The following DNAH2 variants were observed in gnomAD, a reference collection of about 807,000 sequenced individuals.
The protein encoded by DNAH2 is dynein axonemal heavy chain 2.
A neutral mutation model predicts 523.5 loss-of-function variants in DNAH2; 323 were observed. That is an observed-to-expected ratio of 0.62 (90% CI 0.56 to 0.68). DNAH2 has a LOEUF of 0.68. DNAH2 is among the 30% of genes least tolerant of loss of function. The pLI, the probability that DNAH2 is intolerant of heterozygous loss-of-function variation, is 0.00. For synonymous variants in DNAH2, 2,093 were observed against 2,177.4 expected, an observed-to-expected ratio of 0.96 and a Z score of 1.08; for missense variants, 4,907 against 5,701.5, an observed-to-expected ratio of 0.86 and a Z score of 4.49.
In DNAH2 at chr17:7,740,484, T is replaced by C. The variant is rs137947867; in HGVS notation, c.1441T>C (p.Leu481=). ...TQNLITSAFE[L]VRDVPHGVLL... Reference sequence around the variant, plus strand: ...GAACCTGATCACCTCAGCCTTCGAGTTGGTGCGGGACGTGCCGCACGGCGT... The same window carrying C: ...GAACCTGATCACCTCAGCCTTCGAGCTGGTGCGGGACGTGCCGCACGGCGT... Residue 481 remains leucine (L), a synonymous_variant, in exon 10 of 86, where the codon TTG becomes CTG. Transcript: ENST00000572933. The C allele has an allele frequency of 5.0e-6, 8 of 1,613,974 alleles. No homozygotes were observed. The highest frequency in any genetic ancestry group is 4.0e-5 in the African/African-American group (3 of 74,910).
rs1453789548 is a variant in DNAH2, at chr17:7,832,578, G to GGC, written c.12727_12728dup (p.Tyr4244HisfsTer33). The GGC allele has an allele frequency of 5.6e-6, 9 of 1,613,816 alleles. No homozygotes were observed. Among genetic ancestry groups the GGC allele is most frequent in the Non-Finnish European group, 7.6e-6 (9 of 1,179,874 alleles). On this transcript the variant is annotated frameshift_variant and splice_region_variant. Transcript: ENST00000572933. LOFTEE classifies it high-confidence loss of function. This position sits in a 1 kb window ranked among gnomAD's most constrained non-coding sequence, Gnocchi z 4.3. Reference sequence around the variant, plus strand: ...TGAATACACACGCACTCCTTCCCCAGGCATACCCCTCACAAAAGCCATTGG... The same window carrying GGC: ...TGAATACACACGCACTCCTTCCCCAGGCGCATACCCCTCACAAAAGCCATTGG...
At chr17:7,800,075 G>A (rs887861179) in intron 56 of DNAH2, among the ~76,000 whole-genome samples, 3 of 152,062 alleles carry the variant, frequency 2.0e-5, no homozygotes, top group East Asian at 1.9e-4. Flanking sequence ...TGTTTGAGAC[G>A]GAGTCTCGCT....
At chr17:7,764,522 A>G (rs1030889997) in intron 20 of DNAH2, among the ~76,000 whole-genome samples, 1 of 146,360 alleles carries the variant, frequency 6.8e-6, no homozygotes, top group African/African-American at 2.5e-5. Flanking sequence ...GTGCAGTGGC[A>G]CGATCTTGGC....
intron 33 of DNAH2, 94 bp downstream of exon 33, chr17:7,777,728 G>A: frequency 6.7e-7 from 1 of 1,493,094 alleles, no homozygotes; most frequent in Non-Finnish European, 9.2e-7. Context: ...GATATCCTAA[G>A]CCAACCCTTA....
At chr17:7,741,143 G>A in intron 11 of DNAH2, 151 bp downstream of exon 11, 3 of 930,992 alleles carry the variant, frequency 3.2e-6, no homozygotes, top group Admixed American at 3.0e-5. Flanking sequence ...GGTCAGTCGT[G>A]GGTTAAGATC....
At chr17:7,833,333 C>A in intron 85 of DNAH2, 46 bp from the exon 86 acceptor site, 1 of 1,610,072 alleles carries the variant, frequency 6.2e-7, no homozygotes, top group South Asian at 1.1e-5. Context: ...CTGCCCTGCT[C>A]TCCCGGAGGC....
chr17:7,791,520 A>T (rs2076896957), intron 44 of DNAH2, among the ~76,000 whole-genome samples: 1 of 152,170 alleles, frequency 6.6e-6, no homozygotes, highest in African/African-American at 2.4e-5. Flanking sequence ...ATAGAACACT[A>T]CATTTTATTT....
intron 63 of DNAH2, among the ~76,000 whole-genome samples, chr17:7,810,146 C>T (rs2077474428): frequency 6.6e-6 from 1 of 151,336 alleles, no homozygotes; most frequent in Non-Finnish European, 1.5e-5. Flanking sequence ...TCACTGCAGC[C>T]TTGACTTCCT....
Position 7,740,805 on chromosome 17 carries a change from C to G in DNAH2, c.1507-5C>G, listed in dbSNP as rs199551175. ...CGTCGCCAGCCTCTTCCTCTTCTTC[C>G]CTAGGCTATCAAGCGGACTTATGAC... On this transcript the variant is annotated splice_polypyrimidine_tract_variant and splice_region_variant and intron_variant, in intron 10 of 85. Transcript: ENST00000572933. 2 of 1,602,992 alleles carry G rather than the reference C, an allele frequency of 1.2e-6. No homozygotes were observed. The highest frequency in any genetic ancestry group is 1.3e-5 in the African/African-American group (1 of 74,840).
chr17:7,731,087 A>C (rs966919552), intron 4 of DNAH2, among the ~76,000 whole-genome samples: 1 of 151,962 alleles, frequency 6.6e-6, no homozygotes, highest in African/African-American at 2.4e-5. Flanking sequence ...CATTGCACTC[A>C]AGCCTGGGCA....
Position 7,733,149 on chromosome 17 carries a change from C to A in DNAH2, c.462C>A (p.Phe154Leu). 1.9e-6 allele frequency: 3 copies of A among 1,614,206 alleles called. No individual in the cohort carries two copies. Among genetic ancestry groups the A allele is most frequent in the Non-Finnish European group, 2.5e-6 (3 of 1,180,034 alleles). The change falls in exon 5 of 86, where the codon TTC becomes TTA. Residue 154 changes from phenylalanine (F) to leucine (L), a missense_variant. Around this residue, in one of 3 missense-constraint regions of DNAH2, gnomAD observed 2,806 missense variants for 3,190.8 expected, o/e 0.88. Coordinates refer to ENST00000572933, the MANE Select transcript of DNAH2 (RefSeq NM_020877.5). ...CAGTTCCCATCACCTGGGAGAACTT[C>A]GAGGCAACTGTGCAGTTTGGGACGG... is the stretch of plus-strand genomic sequence containing the variant. ...QAPVPITWEN[F>L]EATVQFGTVR...
chr17:7,740,719 C>T (rs567054585), intron 10 of DNAH2, 91 bp from the exon 11 acceptor site: 33 of 1,541,480 alleles, frequency 2.1e-5, no homozygotes, highest in East Asian at 1.4e-4. Context: ...GTGTGACTCC[C>T]GCAGCGGGGT....
chr17:7,775,180 A>G (rs1170360610), intron 29 of DNAH2, 61 bp from the exon 30 acceptor site: 9 of 1,545,380 alleles, frequency 5.8e-6, no homozygotes, highest in African/African-American at 1.4e-5. Flanking sequence ...AGGCCCCAGG[A>G]CTTCTAGGCG....
chr17:7,804,333 C>G lies in DNAH2; in HGVS notation c.9050C>G (p.Thr3017Ser). 6.2e-7 allele frequency: 1 copy of G among 1,614,172 alleles called. No individual in the cohort carries two copies. The highest frequency in any genetic ancestry group is 1.3e-5 in the African/African-American group (1 of 75,038). Residue 3017 changes from threonine to serine, a missense_variant, in exon 59 of 86, where the codon ACT (threonine) becomes AGT (serine). Transcript: ENST00000572933. ...ACAGGCTTGTTCAAGATCGACGAAA[C>G]TAGGGAAAAGGTGCAAGTGATGTCG... ...LRTGLFKIDE[T>S]REKVQVMSLE...
rs926661657 is a variant in DNAH2, at chr17:7,801,440, A to G, written c.8700-138A>G. 9 of 1,236,670 alleles carry G rather than the reference A, an allele frequency of 7.3e-6. No homozygotes were observed. In the African/African-American group the frequency reaches 1.3e-4, roughly 19 times the overall value. 76.6% of individuals were successfully genotyped at this position (1,236,670 alleles called of 1,614,324 possible). ...GCTGAACTAGCTCTGCAGGAACAGA[A>G]TTTGGACAAGGAGATACAGGAGCAA... On this transcript the variant is annotated intron_variant, in intron 56 of 85. Transcript: ENST00000572933.
Position 7,817,678 on chromosome 17 carries a change from G to C in DNAH2, c.10138G>C (p.Glu3380Gln), listed in dbSNP as rs767211841. ...GTTGCCCTCAGACGCCTTCTCCACT[G>C]AGAATGGCATCATCGTCACCCGAGG... ...QGLPSDAFST[E>Q]NGIIVTRGNR... Residue 3380 changes from glutamate to glutamine, a missense_variant, in exon 66 of 86, where the codon GAG (glutamate) becomes CAG (glutamine). This residue lies in a region of DNAH2 where 1,851 missense variants were observed against 2,139.4 expected (regional missense o/e 0.87). Transcript: ENST00000572933. The C allele has an allele frequency of 6.2e-7, 1 of 1,614,186 alleles. No homozygotes were observed. Among genetic ancestry groups the C allele is most frequent in the South Asian group, 1.1e-5 (1 of 91,080 alleles).
In DNAH2 at chr17:7,749,120, C is replaced by A. The variant is rs1039577542; in HGVS notation, c.1904+5978C>A. Among the ~76,000 whole-genome samples, 4 of 150,704 alleles carry A rather than the reference C, an allele frequency of 2.7e-5. No homozygotes were observed. In the East Asian group the frequency reaches 7.9e-4, roughly 30 times the overall value. ...GGTCAGGAGTTCGAGACCAGCCTGA[C>A]CAACATGGAGATACCCTGTCTCTAC... On this transcript the variant is annotated intron_variant, in intron 12 of 85. Transcript: ENST00000572933.
intron 39 of DNAH2, among the ~76,000 whole-genome samples, chr17:7,781,522 A>G (rs1346684984): frequency 6.6e-6 from 1 of 152,180 alleles, no homozygotes; most frequent in Non-Finnish European, 1.5e-5. Flanking sequence ...CCCTGACCAC[A>G]TATGTGAATA....
At chr17:7,823,331 G>T in intron 73 of DNAH2, 111 bp from the exon 74 acceptor site, 3 of 1,023,020 alleles carry the variant, frequency 2.9e-6, no homozygotes, top group South Asian at 1.8e-5. Context: ...TTTTCCCACC[G>T]AGAGAGAGAA....
Sources: allele counts gnomAD v4.1 joint callset (sites outside exome capture counted in the v4.1 genomes callset), GRCh38; gene constraint gnomAD v4.1.1; regional missense constraint gnomAD v4.1.1; non-coding constraint Gnocchi (gnomAD v3.1); transcripts MANE v1.5; gene names NCBI Gene and HGNC (gene_info 2026-07-23, HGNC 2026-07-21).